Variants in SVEP1 observed in about 807,000 individuals in gnomAD.
SVEP1 encodes the protein sushi, von Willebrand factor type A, EGF and pentraxin domain-containing protein 1.
SVEP1 carries 164 observed loss-of-function variants against 367.3 expected under a neutral mutation model. The ratio of observed to expected loss-of-function variants is 0.45; its 90% CI spans 0.39 to 0.51. The LOEUF (loss-of-function observed/expected upper bound fraction) is 0.51. Ranked by LOEUF, SVEP1 falls within the 20% of genes least tolerant of loss-of-function variation. SVEP1 has a pLI of 0.00. For missense variants in SVEP1, 4,117 were observed against 4,425.3 expected (o/e 0.93, Z 1.98); for synonymous variants, 1,666 against 1,611.6 (o/e 1.03, Z -0.81).
At chr9:110,471,670 A>G (rs1829020006) in intron 15 of SVEP1, 73 bp from the exon 16 acceptor site, 2 of 1,147,694 alleles carry the variant, frequency 1.7e-6, no homozygotes, top group Non-Finnish European at 2.5e-6. Context: ...TTAATTTTTT[A>G]CCAAACAGAA....
intron 1 of SVEP1, among the ~76,000 whole-genome samples, chr9:110,560,104 GATT>G (rs747298796): frequency 1.2e-4 from 18 of 152,068 alleles, no homozygotes; most frequent in Non-Finnish European, 2.1e-4. Flanking sequence ...GATCTCATAA[GATT>G]ATAATGCCAT....
Position 110,458,476 on chromosome 9 carries a change from T to C in SVEP1, c.3571A>G (p.Ser1191Gly). 6.2e-7 allele frequency: 1 copy of C among 1,612,018 alleles called. No homozygotes were observed. The highest frequency in any genetic ancestry group is 8.5e-7 in the Non-Finnish European group (1 of 1,179,118). The change falls in exon 20 of 48, where the codon AGT (serine) becomes GGT (glycine). Residue 1191 changes from serine to glycine, a missense_variant. Around this residue, in one of 4 missense-constraint regions of SVEP1, gnomAD observed 2,174 missense variants for 2,494.3 expected, o/e 0.87. Coordinates refer to ENST00000374469, the MANE Select transcript of SVEP1 (RefSeq NM_153366.4). The stretch of plus-strand genomic sequence containing the variant: ...TTTATGCAAAATGAACTTGCCTGAC[T>C]GCTGATTTCATGCCTCTTTTTAATA... ...GHIKKRHEIS[S>G]QVFHECFFNP...
At chr9:110,370,515 G>A (rs949898081) in intron 46 of SVEP1, among the ~76,000 whole-genome samples, 9 of 152,110 alleles carry the variant, frequency 5.9e-5, no homozygotes, top group Non-Finnish European at 1.0e-4. Context: ...TTAGGCACAT[G>A]GATTGTCTAA....
intron 43 of SVEP1, among the ~76,000 whole-genome samples, 200 bp from the exon 44 acceptor site, chr9:110,379,717 T>C (rs1827405685): frequency 6.6e-6 from 1 of 152,224 alleles, no homozygotes; most frequent in Non-Finnish European, 1.5e-5. Context: ...CAAAGGTTTT[T>C]TGTCTTCTGA....
At position 110,570,541 on chromosome 9, in the gene SVEP1, C is replaced by T. The variant is rs188290203; in HGVS notation, c.531+8472G>A. ...TGTTGTGCAGGCTGGAGTGCAGTGG[C>T]GCAATCTCAGTTCACTGCAACCTCT... On this transcript the variant is annotated intron_variant, in intron 1 of 47. Transcript: ENST00000374469. 3.0e-4 allele frequency among the ~76,000 whole-genome samples: 45 copies of T among 151,436 alleles called. No homozygotes were observed. In the East Asian group the frequency reaches 6.2e-3, roughly 21 times the overall value.
rs1470929096 is a variant in SVEP1 at position 110,411,355 on chromosome 9, T to G, written c.6356A>C (p.Asn2119Thr). 2.5e-6 allele frequency: 4 copies of G among 1,613,878 alleles called. No homozygotes were observed. The highest frequency in any genetic ancestry group is 2.5e-6 in the Non-Finnish European group (3 of 1,179,894). The change falls in exon 37 of 48, where the codon AAC becomes ACC. Residue 2119 changes from asparagine to threonine, a missense_variant. Coordinates refer to ENST00000374469, the MANE Select transcript of SVEP1 (RefSeq NM_153366.4). ...SFKCMEGFVL[N>T]TSAKIECMRG... is the part of the protein sequence containing the mutation. ...CATACATTCAATCTTTGCTGAGGTG[T>G]TCAGTACAAAGCCTTCCATGCATTT... is the stretch of plus-strand genomic sequence containing the variant.
chr9:110,414,505 A>G (rs901647189), intron 36 of SVEP1, among the ~76,000 whole-genome samples: 1 of 152,006 alleles, frequency 6.6e-6, no homozygotes, highest in African/African-American at 2.4e-5. Context: ...TGAAGATCTG[A>G]ACTTAGCTTG....
chr9:110,563,203 G>A (rs1830452038), intron 1 of SVEP1, among the ~76,000 whole-genome samples: 1 of 151,974 alleles, frequency 6.6e-6, no homozygotes, highest in Non-Finnish European at 1.5e-5. Flanking sequence ...ATACTTGAAA[G>A]GTAATTTTAG....
intron 5 of SVEP1, among the ~76,000 whole-genome samples, chr9:110,504,106 G>A (rs1829584859): frequency 6.6e-6 from 1 of 151,932 alleles, no homozygotes; most frequent in African/African-American, 2.4e-5. Flanking sequence ...CCAGGCTGAA[G>A]TGCAGTGGCG....
chr9:110,383,904 C>T (rs73655333), intron 43 of SVEP1, among the ~76,000 whole-genome samples: 2,653 of 152,084 alleles, frequency 0.017, 85 homozygotes, highest in African/African-American at 0.061. Context: ...AGCTGCTGTG[C>T]TGCACTATGG....
In SVEP1 at chr9:110,568,726, T is replaced by A. The variant is rs371446869; in HGVS notation, c.531+10287A>T. Among the ~76,000 whole-genome samples the A allele has an allele frequency of 5.5e-4, 84 of 151,872 alleles. 1 individual carries two copies. The highest frequency in any genetic ancestry group is 1.9e-3 in the South Asian group (9 of 4,798). ...GGTTGAACTACTGAAAATTTAAGAG[T>A]TTATATCGAATAAAATTAGAAGTGT... On this transcript the variant is annotated intron_variant, in intron 1 of 47. Transcript: ENST00000374469.
chr9:110,487,104 G>A (rs531118966), intron 9 of SVEP1, among the ~76,000 whole-genome samples: 2 of 152,092 alleles, frequency 1.3e-5, no homozygotes, highest in Non-Finnish European at 2.9e-5. Flanking sequence ...TTACAGGCAT[G>A]TGCCACCACA....
At chr9:110,562,380 T>C (rs886476535) in intron 1 of SVEP1, among the ~76,000 whole-genome samples, 1 of 152,214 alleles carries the variant, frequency 6.6e-6, no homozygotes, top group African/African-American at 2.4e-5. Flanking sequence ...ATCATTTCAG[T>C]TGACATGTTA....
intron 3 of SVEP1, among the ~76,000 whole-genome samples, chr9:110,536,846 GT>G (rs944544529): frequency 6.6e-6 from 1 of 151,902 alleles, no homozygotes; most frequent in African/African-American, 2.4e-5. Context: ...TTTATAAGAA[GT>G]TTTTCTTAAC....
At chr9:110,524,756 T>C (rs1352294259) in intron 3 of SVEP1, among the ~76,000 whole-genome samples, 4 of 151,608 alleles carry the variant, frequency 2.6e-5, no homozygotes, top group Non-Finnish European at 4.4e-5. Flanking sequence ...CTGTCACCCA[T>C]GCTGGAGTGC....
At chr9:110,552,024 CT>C (rs34366561) in intron 1 of SVEP1, among the ~76,000 whole-genome samples, 5,744 of 76,874 alleles carry the variant, frequency 0.075, 48 homozygotes, top group East Asian at 0.21. Context: ...GGTACCCAAC[CT>C]TTTTTTTTTT....
At chr9:110,461,605 C>T (rs774533442) in intron 18 of SVEP1, among the ~76,000 whole-genome samples, 3 of 150,458 alleles carry the variant, frequency 2.0e-5, no homozygotes, top group African/African-American at 7.4e-5. Context: ...TGAGAAAAAA[C>T]AAAGCATTTG....
chr9:110,388,487 A>G (rs918578660), intron 41 of SVEP1, among the ~76,000 whole-genome samples: 5 of 152,212 alleles, frequency 3.3e-5, no homozygotes, highest in Non-Finnish European at 5.9e-5. Context: ...AAATGAGTCC[A>G]AATCTTTATA....
At chr9:110,377,568 G>A (rs1827367570) in intron 44 of SVEP1, among the ~76,000 whole-genome samples, 1 of 152,164 alleles carries the variant, frequency 6.6e-6, no homozygotes, top group Non-Finnish European at 1.5e-5. Flanking sequence ...AGTTTTCCCT[G>A]TAGCTTTATT....
Sources: allele counts gnomAD v4.1 joint callset (sites outside exome capture counted in the v4.1 genomes callset), GRCh38; gene constraint gnomAD v4.1.1; regional missense constraint gnomAD v4.1.1; transcripts MANE v1.5; gene names NCBI Gene and HGNC (gene_info 2026-07-23, HGNC 2026-07-21).